SLC9A9: variants seen among roughly 807,000 people sequenced by gnomAD.
The protein encoded by SLC9A9 is solute carrier family 9 member A9.
In SLC9A9, 62 loss-of-function variants were observed where a neutral mutation model predicts 77.8. The ratio of observed to expected loss-of-function variants is 0.80; its 90% confidence interval spans 0.65 to 0.98. The LOEUF (loss-of-function observed/expected upper bound fraction) is 0.98. Ranked by LOEUF, SLC9A9 falls within the 50% of genes least tolerant of loss-of-function variation. The probability of loss-of-function intolerance (pLI) is 0.00; values close to 1 mark genes in which losing one functional copy is unlikely to be tolerated. For synonymous variants in SLC9A9, 320 were observed against 283.5 expected, an observed-to-expected ratio of 1.13 and a Z score of -1.29; for missense variants, 775 against 774.9, an observed-to-expected ratio of 1.00 and a Z score of 0.00.
chr3:143,604,701 C>T (rs1202419497), intron 6 of SLC9A9, among the ~76,000 whole-genome samples: 1 of 152,120 alleles, frequency 6.6e-6, no homozygotes, highest in African/African-American at 2.4e-5. Flanking sequence ...GAAGAGATTG[C>T]AATACAGTAA....
chr3:143,739,770 A>G (rs757595742), intron 4 of SLC9A9, among the ~76,000 whole-genome samples: 12 of 152,128 alleles, frequency 7.9e-5, no homozygotes, highest in African/African-American at 1.4e-4. Flanking sequence ...AGTGGTTCTC[A>G]GTGTGCTCTC....
intron 14 of SLC9A9, among the ~76,000 whole-genome samples, chr3:143,296,202 C>T (rs1251162973): frequency 6.6e-6 from 1 of 152,116 alleles, no homozygotes; most frequent in East Asian, 1.9e-4. Context: ...GAAGCTATGC[C>T]AATTAAATAG....
chr3:143,573,683 A>T (rs2037307397), intron 8 of SLC9A9, among the ~76,000 whole-genome samples: 1 of 152,126 alleles, frequency 6.6e-6, no homozygotes, highest in Non-Finnish European at 1.5e-5. Flanking sequence ...TACCTACCCT[A>T]GAGAGCCTGC....
intron 8 of SLC9A9, among the ~76,000 whole-genome samples, chr3:143,557,023 C>A (rs13098454): frequency 0.51 from 77,548 of 151,914 alleles, 19,899 homozygotes; most frequent in African/African-American, 0.53. Flanking sequence ...CTGTGTCCCC[C>A]ATCACATCTC....
At chr3:143,536,073 T>G (rs374304968) in intron 9 of SLC9A9, among the ~76,000 whole-genome samples, 34 of 152,314 alleles carry the variant, frequency 2.2e-4, no homozygotes, top group Non-Finnish European at 3.7e-4. Context: ...CATAATAGAA[T>G]AGATAGCAAA....
At chr3:143,435,209 T>C (rs184669878) in intron 12 of SLC9A9, among the ~76,000 whole-genome samples, 16 of 152,316 alleles carry the variant, frequency 1.1e-4, no homozygotes, top group Admixed American at 9.2e-4. Context: ...CTCTTCTACC[T>C]GGTTATACTG....
At chr3:143,288,767 A>G (rs1228840346) in intron 14 of SLC9A9, among the ~76,000 whole-genome samples, 1 of 152,232 alleles carries the variant, frequency 6.6e-6, no homozygotes, top group Non-Finnish European at 1.5e-5. Flanking sequence ...GACCATGATC[A>G]AGATGAATAA....
At chr3:143,590,360 C>A (rs371508169) in intron 6 of SLC9A9, among the ~76,000 whole-genome samples, 11 of 152,180 alleles carry the variant, frequency 7.2e-5, no homozygotes, top group African/African-American at 2.7e-4. Context: ...TTTGCATTAG[C>A]TATATCTTTC....
intron 12 of SLC9A9, among the ~76,000 whole-genome samples, chr3:143,454,976 A>T (rs1184331828): frequency 2.0e-5 from 3 of 152,318 alleles, no homozygotes; most frequent in African/African-American, 7.2e-5. Flanking sequence ...GGTTCATGTG[A>T]TTAAGTCAGC....
intron 6 of SLC9A9, among the ~76,000 whole-genome samples, chr3:143,603,121 C>T (rs917705959): frequency 6.6e-6 from 1 of 152,220 alleles, no homozygotes; most frequent in African/African-American, 2.4e-5. Context: ...CATTTGTCTC[C>T]TGGGATTGGA....
intron 1 of SLC9A9, among the ~76,000 whole-genome samples, chr3:143,846,995 C>T (rs1244869574): frequency 6.6e-6 from 1 of 152,136 alleles, no homozygotes; most frequent in Non-Finnish European, 1.5e-5. Context: ...ATATCAGCCT[C>T]CTGAGCCTGA....
intron 9 of SLC9A9, among the ~76,000 whole-genome samples, chr3:143,496,888 C>T (rs751206974): frequency 3.3e-5 from 5 of 152,188 alleles, no homozygotes; most frequent in Non-Finnish European, 5.9e-5. Context: ...AATCCAAAAT[C>T]AAGGTGCCAG....
chr3:143,431,985 G>T (rs1005273230), intron 12 of SLC9A9, among the ~76,000 whole-genome samples: 1 of 151,990 alleles, frequency 6.6e-6, no homozygotes, highest in African/African-American at 2.4e-5. Context: ...GGCCTACTTG[G>T]ACTACCTAAT....
chr3:143,506,930 A>C (rs1338432778), intron 9 of SLC9A9, among the ~76,000 whole-genome samples: 1 of 152,150 alleles, frequency 6.6e-6, no homozygotes, highest in African/African-American at 2.4e-5. Context: ...TTAATGAATA[A>C]GCCAAGAAAA....
intron 12 of SLC9A9, among the ~76,000 whole-genome samples, chr3:143,395,497 A>C (rs940260761): frequency 2.0e-5 from 3 of 152,262 alleles, no homozygotes; most frequent in African/African-American, 4.8e-5. Context: ...TAAAAACCCT[A>C]GAAGAAAACC....
intron 14 of SLC9A9, among the ~76,000 whole-genome samples, chr3:143,281,656 T>C (rs1238698960): frequency 6.6e-6 from 1 of 152,168 alleles, no homozygotes; most frequent in Non-Finnish European, 1.5e-5. Context: ...AGTCCAAAAC[T>C]GAGTGGTGGA....
intron 6 of SLC9A9, among the ~76,000 whole-genome samples, chr3:143,640,507 A>G (rs187696246): frequency 6.6e-6 from 1 of 152,308 alleles, no homozygotes; most frequent in East Asian, 1.9e-4. Flanking sequence ...ATGAGGAGCT[A>G]CTATGACTGA....
chr3:143,323,850 A>G (rs562865112), intron 14 of SLC9A9, among the ~76,000 whole-genome samples: 27 of 152,332 alleles, frequency 1.8e-4, no homozygotes, highest in African/African-American at 6.0e-4. Flanking sequence ...AGCTCCATTT[A>G]TAATACATAT....
chr3:143,302,613 G>C (rs1269781924), intron 14 of SLC9A9, among the ~76,000 whole-genome samples: 1 of 152,056 alleles, frequency 6.6e-6, no homozygotes, highest in African/African-American at 2.4e-5. Context: ...TAAGAGCAGT[G>C]ATGGAGGGAC....
Sources: allele counts gnomAD v4.1 joint callset (sites outside exome capture counted in the v4.1 genomes callset), GRCh38; gene constraint gnomAD v4.1.1; transcripts MANE v1.5; gene names NCBI Gene and HGNC (gene_info 2026-07-23, HGNC 2026-07-21).